The following TFEC variants were observed in gnomAD, a reference collection of about 807,000 sequenced individuals.
TFEC encodes the protein class E basic helix-loop-helix protein 34.
A neutral mutation model predicts 41.6 loss-of-function variants in TFEC; 31 were observed. The observed-to-expected ratio is 0.74, with a 90% CI of 0.56 to 1.01. The LOEUF (loss-of-function observed/expected upper bound fraction) is 1.01, where lower values mean the gene tolerates loss of function less well. Ranked by LOEUF, TFEC falls within the 50% of genes least tolerant of loss-of-function variation. TFEC has a pLI of 0.00. For synonymous variants in TFEC, 143 were observed against 140.6 expected, an observed-to-expected ratio of 1.02 and a Z score of -0.12; for missense variants, 402 against 404.1, an observed-to-expected ratio of 0.99 and a Z score of 0.04.
At chr7:115,945,721 T>C (rs1032280929) in intron 6 of TFEC, among the ~76,000 whole-genome samples, 23 of 151,754 alleles carry the variant, frequency 1.5e-4, no homozygotes, top group African/African-American at 5.6e-4. Flanking sequence ...CTGAGATTCA[T>C]AAGGAAGAGA....
chr7:115,977,721 C>T (rs1299655742), intron 2 of TFEC, among the ~76,000 whole-genome samples: 1 of 151,708 alleles, frequency 6.6e-6, no homozygotes, highest in African/African-American at 2.4e-5. Context: ...GACATACATG[C>T]ATAATAATTA....
At chr7:115,986,878 T>C (rs1254708335) in intron 1 of TFEC, among the ~76,000 whole-genome samples, 3 of 151,652 alleles carry the variant, frequency 2.0e-5, no homozygotes, top group Non-Finnish European at 4.4e-5. Flanking sequence ...CTGCACGTTG[T>C]GCACATGTAC....
At chr7:116,056,913 C>T (rs554585477) in intron 3 of TFEC, among the ~76,000 whole-genome samples, 43 of 151,862 alleles carry the variant, frequency 2.8e-4, no homozygotes, top group Non-Finnish European at 6.0e-4. Flanking sequence ...GGCACTAAAA[C>T]AGTTATAACA....
intron 1 of TFEC, among the ~76,000 whole-genome samples, chr7:116,140,220 A>C (rs1222467040): frequency 6.6e-6 from 1 of 152,216 alleles, no homozygotes; most frequent in East Asian, 1.9e-4. Context: ...GGCAACTCTG[A>C]GAAATAAAGC....
intron 1 of TFEC, among the ~76,000 whole-genome samples, chr7:116,157,791 T>G (rs1260125535): frequency 6.6e-6 from 1 of 152,168 alleles, no homozygotes; most frequent in Non-Finnish European, 1.5e-5. Context: ...CTCACCTGTA[T>G]TCTAATACAG....
chr7:116,009,981 G>C (rs565389113), intron 1 of TFEC, among the ~76,000 whole-genome samples: 31 of 152,300 alleles, frequency 2.0e-4, no homozygotes, highest in African/African-American at 6.3e-4. Flanking sequence ...CAAAGGATGG[G>C]ATGATAGGGC....
chr7:116,149,310 G>A (rs1257172456), intron 1 of TFEC, among the ~76,000 whole-genome samples: 1 of 152,112 alleles, frequency 6.6e-6, no homozygotes, highest in Admixed American at 6.6e-5. Context: ...AGATGCTGGT[G>A]AGAGTTAAAA....
At position 116,056,516 on chromosome 7, in the gene TFEC, G is replaced by T. The variant is rs193281625; in HGVS notation, c.198+54192C>A. Among the ~76,000 whole-genome samples, 3 of 152,206 alleles carry T rather than the reference G, an allele frequency of 2.0e-5. No individual in the cohort carries two copies. The East Asian group carries it at 5.8e-4, about 29-fold the overall frequency. On this transcript the variant is annotated intron_variant, in intron 3 of 8. Coordinates refer to the TFEC transcript ENST00000484212. ...GTGACAGTGACCAGTTCTCACACCA[G>T]GCCAAGAATGGTGCCATTTCCCACC...
At chr7:116,079,975 A>G (rs577483685) in intron 3 of TFEC, among the ~76,000 whole-genome samples, 70 of 152,290 alleles carry the variant, frequency 4.6e-4, no homozygotes, top group Non-Finnish European at 1.0e-4. Flanking sequence ...ACTGGTTTAA[A>G]AATAGGCACA....
chr7:116,088,008 A>G (rs1314097298), intron 3 of TFEC, among the ~76,000 whole-genome samples: 2 of 152,092 alleles, frequency 1.3e-5, no homozygotes, highest in Non-Finnish European at 2.9e-5. Flanking sequence ...CTGTAAGTCC[A>G]TCTCTGAGAT....
chr7:116,126,128 A>G (rs1413619701), intron 1 of TFEC, among the ~76,000 whole-genome samples: 1 of 152,190 alleles, frequency 6.6e-6, no homozygotes, highest in Non-Finnish European at 1.5e-5. Flanking sequence ...AAATCTCCCA[A>G]TAAGAAAGGT....
chr7:116,049,205 G>A (rs1796246682), intron 3 of TFEC, among the ~76,000 whole-genome samples: 1 of 152,084 alleles, frequency 6.6e-6, no homozygotes, highest in African/African-American at 2.4e-5. Flanking sequence ...AAAGAGTCAA[G>A]AGCCATCAGT....
intron 1 of TFEC, among the ~76,000 whole-genome samples, chr7:116,131,448 A>T (rs1424520647): frequency 6.6e-6 from 1 of 152,218 alleles, no homozygotes; most frequent in African/African-American, 2.4e-5. Context: ...GGTCACAAAG[A>T]TATCATGAAA....
chr7:116,158,119 A>G (rs1798905604), intron 1 of TFEC, among the ~76,000 whole-genome samples: 1 of 152,182 alleles, frequency 6.6e-6, no homozygotes, highest in Non-Finnish European at 1.5e-5. Context: ...AGCTTCCCTT[A>G]AAAACTGAAT....
chr7:116,141,190 T>C (rs1798533762), intron 1 of TFEC, among the ~76,000 whole-genome samples: 1 of 152,136 alleles, frequency 6.6e-6, no homozygotes, highest in Non-Finnish European at 1.5e-5. Context: ...ATATAGCCAG[T>C]AAAAGTAAAA....
exon 3 of TFEC, chr7:116,110,913 T>C (rs753559285): frequency 6.6e-7 from 1 of 1,509,656 alleles, no homozygotes; most frequent in South Asian, 1.3e-5. Flanking sequence ...CATATTTCTC[T>C]TCTTTTCTTC....
chr7:116,112,060 G>C, intron 1 of TFEC: 1 of 972,234 alleles, frequency 1.0e-6, no homozygotes, highest in Non-Finnish European at 1.2e-6. Context: ...AAAAAAGAGA[G>C]AAGTTACTGT....
At chr7:116,147,602 T>C (rs1010040776) in intron 1 of TFEC, among the ~76,000 whole-genome samples, 4 of 138,740 alleles carry the variant, frequency 2.9e-5, no homozygotes, top group Non-Finnish European at 6.2e-5. Context: ...CCCCTTCCTG[T>C]GTCCAAGTGT....
In TFEC at chr7:115,982,785, T is replaced by G. The variant is rs1031035234; in HGVS notation, c.180+1477A>C. 3.3e-5 allele frequency among the ~76,000 whole-genome samples: 5 copies of G among 152,274 alleles called. No homozygotes were observed. In the Middle Eastern group the frequency reaches 0.01, roughly 311 times the overall value. ...GCACCCAAAGACCACTAAAAACATGTGAATTTTCTTTATATATACAAACTT... is the reference window on the plus strand; with the variant it reads ...GCACCCAAAGACCACTAAAAACATGGGAATTTTCTTTATATATACAAACTT... On this transcript the variant is annotated intron_variant, in intron 2 of 7. Coordinates refer to ENST00000265440, the MANE Select transcript of TFEC (RefSeq NM_012252.4).
Sources: gnomAD v4.1 joint callset for allele counts (sites outside exome capture counted in the v4.1 genomes callset) on GRCh38, gnomAD v4.1.1 for gene constraint, MANE v1.5 for transcripts, NCBI Gene and HGNC (gene_info 2026-07-23, HGNC 2026-07-21) for gene names.